Variants in MDM4 observed in about 807,000 individuals in gnomAD.
MDM4 encodes the protein protein Mdm4.
A neutral mutation model predicts 60.2 loss-of-function variants in MDM4; 2 were observed. The ratio of observed to expected loss-of-function variants is 0.03; its 90% confidence interval spans 0.01 to 0.10. The LOEUF is 0.10. Among genes scored for constraint, MDM4 ranks in the 10% least tolerant of loss-of-function variants. The pLI, the probability that MDM4 is intolerant of heterozygous loss-of-function variation, is 1.00. For synonymous variants in MDM4, 202 were observed against 198.1 expected, an observed-to-expected ratio of 1.02 and a Z score of -0.17; for missense variants, 447 against 577.5, an observed-to-expected ratio of 0.77 and a Z score of 2.32.
intron 1 of MDM4, among the ~76,000 whole-genome samples, chr1:204,519,368 G>A (rs544638840): frequency 1.3e-5 from 2 of 152,246 alleles, no homozygotes; most frequent in South Asian, 2.1e-4. Context: ...TTAGCTGGGC[G>A]TGATGGTGCA....
At chr1:204,548,981 G>T in intron 10 of MDM4, 132 bp from the exon 11 acceptor site, 1 of 626,326 alleles carries the variant, frequency 1.6e-6, no homozygotes. Flanking sequence ...TGTAGAATTT[G>T]CTCAAATCCT....
chr1:204,528,099 A>G (rs1191179078), intron 3 of MDM4, among the ~76,000 whole-genome samples: 1 of 96,718 alleles, frequency 1.0e-5, no homozygotes, highest in African/African-American at 3.7e-5. Context: ...TTTTAGTTTT[A>G]TCCTTTTATT....
Position 204,549,630 on chromosome 1 carries a change from G to T in MDM4, c.1421G>T (p.Cys474Phe). 1 of 1,588,628 alleles carries T rather than the reference G, an allele frequency of 6.3e-7. No individual in the cohort carries two copies. The highest frequency in any genetic ancestry group is 8.5e-7 in the Non-Finnish European group (1 of 1,173,130). ...AGACTAAAGAAGGCTGGGGCTTCATGCCCTATTTGCAAGAAAGAGATTCAG... is the reference window on the plus strand; with the variant it reads ...AGACTAAAGAAGGCTGGGGCTTCATTCCCTATTTGCAAGAAAGAGATTCAG... The part of the protein sequence containing the change: ...ARRLKKAGAS[C>F]PICKKEIQLV... Residue 474 changes from cysteine to phenylalanine, a missense_variant, in exon 11 of 11, where the codon TGC becomes TTC. Coordinates refer to ENST00000367182, the MANE Select transcript of MDM4 (RefSeq NM_002393.5).
In MDM4 at chr1:204,551,626, A is replaced by G. The variant is rs970854504; in HGVS notation, c.*1944A>G. 2.2e-5 allele frequency: 5 copies of G among 231,956 alleles called. No individual in the cohort carries two copies. Among genetic ancestry groups the G allele is most frequent in the African/African-American group, 1.1e-4 (5 of 45,176 alleles). 14.4% of individuals were successfully genotyped at this position (231,956 alleles called of 1,614,324 possible). On this transcript the variant is annotated 3_prime_UTR_variant, in exon 11 of 11. Transcript: ENST00000367182. ...TCTTTAAGTTGGTTTCCATAGAGCT[A>G]TGCATGTATCCTTACCCCCATGGGA...
chr1:204,550,635 C>T lies in MDM4; in HGVS notation c.*953C>T, dbSNP rs986840670. Reference sequence around the variant, plus strand: ...GGAGTGCAGTGGTGCAAACACGGCCCACCTCCTGGGCTCAAGTGATCCTCC... The same window carrying T: ...GGAGTGCAGTGGTGCAAACACGGCCTACCTCCTGGGCTCAAGTGATCCTCC... On this transcript the variant is annotated 3_prime_UTR_variant, in exon 11 of 11. Transcript: ENST00000367182. 5.6e-6 allele frequency: 1 copy of T among 177,886 alleles called. No homozygotes were observed. The highest frequency in any genetic ancestry group is 2.4e-5 in the African/African-American group (1 of 41,860). 11.0% of individuals were successfully genotyped at this position (177,886 alleles called of 1,614,324 possible).
chr1:204,546,508 C>T (rs1470025212), intron 9 of MDM4, among the ~76,000 whole-genome samples: 1 of 152,156 alleles, frequency 6.6e-6, no homozygotes, highest in Non-Finnish European at 1.5e-5. Context: ...AGCCACCATG[C>T]CCAGCTATTT....
At chr1:204,539,747 G>A (rs1223937735) in intron 7 of MDM4, among the ~76,000 whole-genome samples, 1 of 151,412 alleles carries the variant, frequency 6.6e-6, no homozygotes, top group Non-Finnish European at 1.5e-5. Context: ...ATGTTGACCA[G>A]GATGGGTTGA....
At chr1:204,525,723 G>T in intron 2 of MDM4, 127 bp downstream of exon 2, 1 of 643,448 alleles carries the variant, frequency 1.6e-6, no homozygotes, top group Non-Finnish European at 2.6e-6. Flanking sequence ...CTTGAAGCCA[G>T]GTGTTTGAGA....
chr1:204,524,958 T>A (rs1399232836), intron 1 of MDM4, among the ~76,000 whole-genome samples: 3 of 152,200 alleles, frequency 2.0e-5, no homozygotes, highest in Non-Finnish European at 4.4e-5. Flanking sequence ...AATTGCTGTG[T>A]TTTTTTCTGG....
rs1332977544 is a variant in MDM4, at chr1:204,551,508, G to T, written c.*1826G>T. Reference sequence around the variant, plus strand: ...TTTTTTTTGGAGGATAGGGAGTATGGCTGTTGTGAAAAGGGAGGTAAAGAG... The same window carrying T: ...TTTTTTTTGGAGGATAGGGAGTATGTCTGTTGTGAAAAGGGAGGTAAAGAG... On this transcript the variant is annotated 3_prime_UTR_variant, in exon 11 of 11. Transcript: ENST00000367182. 1 of 170,638 alleles carries T rather than the reference G, an allele frequency of 5.9e-6. No homozygotes were observed. Among genetic ancestry groups the T allele is most frequent in the Non-Finnish European group, 1.1e-5 (1 of 91,970 alleles). The allele number at this position is 170,638 out of a possible 1,614,324, so 10.6% of individuals were successfully genotyped here. A position where few individuals can be genotyped will look rare whatever the true frequency, so the allele number is the denominator to read the frequency against.
intron 3 of MDM4, chr1:204,528,753 C>A: frequency 2.6e-6 from 2 of 761,764 alleles, no homozygotes; most frequent in Admixed American, 2.2e-5. Context: ...TCTAGAGGGA[C>A]AGGAAAAGAA....
In MDM4 at chr1:204,550,981, ATT is replaced by A. The variant is rs1219737054; in HGVS notation, c.*1300_*1301del. 5.4e-6 allele frequency: 1 copy of A among 185,266 alleles called. No individual in the cohort carries two copies. Among genetic ancestry groups the A allele is most frequent in the South Asian group, 2.0e-4 (1 of 5,112 alleles). 11.5% of individuals were successfully genotyped at this position (185,266 alleles called of 1,614,324 possible). On this transcript the variant is annotated 3_prime_UTR_variant, in exon 11 of 11. Coordinates refer to ENST00000367182, the MANE Select transcript of MDM4 (RefSeq NM_002393.5). ...TCCGTCAGAACATGTCTTGGTTTTA[ATT>A]CAGATAAACACACAAACATACTTCT...
rs935980957 is a variant in MDM4, at chr1:204,546,802, T to G, written c.828T>G (p.Ile276Met). 2 of 1,611,124 alleles carry G rather than the reference T, an allele frequency of 1.2e-6. No individual in the cohort carries two copies. Among genetic ancestry groups the G allele is most frequent in the African/African-American group, 2.7e-5 (2 of 74,908 alleles). Residue 276 changes from isoleucine (I) to methionine (M), a missense_variant, in exon 10 of 11, where the codon ATT becomes ATG. By Grantham distance (10) the Ile-to-Met change is conservative. Coordinates refer to ENST00000367182, the MANE Select transcript of MDM4 (RefSeq NM_002393.5). ...EVGKVSDKKVIEVGKNDDLED... is the reference protein window; with the variant it reads ...EVGKVSDKKVMEVGKNDDLED... ...AGATGTTTTTGCCTTCACAGGTGAT[T>G]GAAGTGGGAAAAAATGATGACCTGG...
Position 204,553,960 on chromosome 1 carries a change from A to G in MDM4, c.*4278A>G, listed in dbSNP as rs1030563594. The G allele has an allele frequency of 8.9e-6, 2 of 224,762 alleles. No homozygotes were observed. The highest frequency in any genetic ancestry group is 4.5e-5 in the African/African-American group (2 of 44,942). 13.9% of individuals were successfully genotyped at this position (224,762 alleles called of 1,614,324 possible). A position where few individuals can be genotyped will look rare whatever the true frequency, so the allele number is the denominator to read the frequency against. On this transcript the variant is annotated 3_prime_UTR_variant, in exon 11 of 11. Transcript: ENST00000367182. ...CACTGCCACTAACTTCTGTAATGTAAGATTGAGTCACTGCCAAGCATTTGA... is the reference window on the plus strand; with the variant it reads ...CACTGCCACTAACTTCTGTAATGTAGGATTGAGTCACTGCCAAGCATTTGA...
At position 204,547,556 on chromosome 1, in the gene MDM4, A is replaced by T. The variant is rs530656425; in HGVS notation, c.903+679A>T. On this transcript the variant is annotated intron_variant, in intron 10 of 10. Coordinates refer to ENST00000367182, the MANE Select transcript of MDM4 (RefSeq NM_002393.5). ...TTACATTTTGCTGCTTGGAAAGAGA[A>T]ACATTTTTAGGTTGTTTCTGGTGTT... 2.0e-5 allele frequency among the ~76,000 whole-genome samples: 3 copies of T among 152,340 alleles called. No homozygotes were observed. The South Asian group carries it at 6.2e-4, about 32-fold the overall frequency.
intron 9 of MDM4, among the ~76,000 whole-genome samples, chr1:204,546,347 G>A (rs889338270): frequency 2.0e-5 from 3 of 152,034 alleles, no homozygotes; most frequent in Admixed American, 6.5e-5. Context: ...GACTACAGGC[G>A]TGCACCACCA....
intron 3 of MDM4, among the ~76,000 whole-genome samples, chr1:204,528,331 AC>A (rs898719669): frequency 1.5e-4 from 23 of 152,230 alleles, no homozygotes; most frequent in African/African-American, 5.3e-4. Flanking sequence ...AGAAGTTAAT[AC>A]CCAAGGATTT....
rs1226375958 is a variant in MDM4 at position 204,554,484 on chromosome 1, A to G, written c.*4802A>G. 4.4e-6 allele frequency: 1 copy of G among 225,446 alleles called. No individual in the cohort carries two copies. The highest frequency in any genetic ancestry group is 8.8e-6 in the Non-Finnish European group (1 of 113,188). The allele number at this position is 225,446 out of a possible 1,614,324, so 14.0% of individuals were successfully genotyped here. ...AGGAACTAGCTATGTTTTTAGAATC[A>G]AAGATGAACCGGTAAGCTGTCTCAT... On this transcript the variant is annotated 3_prime_UTR_variant, in exon 11 of 11. Coordinates refer to ENST00000367182, the MANE Select transcript of MDM4 (RefSeq NM_002393.5).
At chr1:204,532,676 C>T (rs1016320846) in intron 5 of MDM4, 1 of 1,330,682 alleles carries the variant, frequency 7.5e-7, no homozygotes, top group African/African-American at 1.5e-5. Flanking sequence ...GATCCAAAGT[C>T]CACACATTGC....
Sources: allele counts gnomAD v4.1 joint callset (sites outside exome capture counted in the v4.1 genomes callset), GRCh38; gene constraint gnomAD v4.1.1; transcripts MANE v1.5; gene names NCBI Gene and HGNC (gene_info 2026-07-23, HGNC 2026-07-21).